Variants in KLF8 observed in about 807,000 individuals in gnomAD.
KLF8 encodes Krueppel-like factor 8.
A neutral mutation model predicts 18.2 loss-of-function variants in KLF8; 10 were observed. That is an observed-to-expected ratio of 0.55 (90% confidence interval 0.34 to 0.93). KLF8 has a LOEUF of 0.93. Ranked by LOEUF, KLF8 falls within the 40% of genes least tolerant of loss-of-function variation. The probability of loss-of-function intolerance (pLI) is 0.02; values close to 1 mark genes in which losing one functional copy is unlikely to be tolerated. For synonymous variants in KLF8, 109 were observed against 97.3 expected, an observed-to-expected ratio of 1.12 and a Z score of -0.71; for missense variants, 264 against 277.9, an observed-to-expected ratio of 0.95 and a Z score of 0.36.
chrX:56,282,578 A>G (rs762692358), intron 5 of KLF8, among the ~76,000 whole-genome samples: 4 of 112,066 alleles, frequency 3.6e-5, no homozygotes, highest in African/African-American at 1.3e-4. Flanking sequence ...GGTGGTGTGT[A>G]GTAAGTTGGA....
chrX:55,946,048 T>G, the KLF8 span, among the ~76,000 whole-genome samples: 11 of 111,594 alleles, frequency 9.9e-5, no homozygotes, highest in Non-Finnish European at 1.7e-4. Context: ...ATCATGAAAA[T>G]GGCCATACTG....
At chrX:56,131,649 G>A in the KLF8 span, among the ~76,000 whole-genome samples, 1 of 111,653 alleles carries the variant, frequency 9.0e-6, no homozygotes, top group Admixed American at 9.5e-5. Flanking sequence ...TACTAAAGTT[G>A]AATGTAAATG....
chrX:55,942,542 A>G, the KLF8 span, among the ~76,000 whole-genome samples: 70 of 111,755 alleles, frequency 6.3e-4, 1 homozygote, highest in East Asian at 0.017. Flanking sequence ...ATAAAAAAAG[A>G]ATCTAGTCAA....
chrX:56,224,881 C>A, the KLF8 span, among the ~76,000 whole-genome samples: 3 of 111,583 alleles, frequency 2.7e-5, no homozygotes, highest in Admixed American at 2.9e-4. Context: ...TGAGGGCTCA[C>A]TGCTTCCAAG....
chrX:56,028,150 G>C, the KLF8 span, among the ~76,000 whole-genome samples: 1 of 112,034 alleles, frequency 8.9e-6, no homozygotes, highest in African/African-American at 3.2e-5. Flanking sequence ...GACACATAGA[G>C]TGTGAAGGGC....
At chrX:56,161,519 G>A in the KLF8 span, among the ~76,000 whole-genome samples, 6 of 111,189 alleles carry the variant, frequency 5.4e-5, no homozygotes, top group Non-Finnish European at 1.1e-4. Context: ...TCATTCATTT[G>A]ATCTTCCATC....
the KLF8 span, among the ~76,000 whole-genome samples, chrX:55,960,194 G>A: frequency 8.9e-6 from 1 of 112,382 alleles, no homozygotes; most frequent in East Asian, 2.8e-4. Context: ...CAAGTGATAG[G>A]AGAATTCAGT....
At chrX:56,079,339 G>T in the KLF8 span, among the ~76,000 whole-genome samples, 2 of 110,665 alleles carry the variant, frequency 1.8e-5, no homozygotes, top group African/African-American at 3.3e-5. Flanking sequence ...CTGGTATGTT[G>T]TGTCTTTGTT....
the KLF8 span, among the ~76,000 whole-genome samples, chrX:56,184,731 C>T: frequency 8.9e-6 from 1 of 112,043 alleles, no homozygotes; most frequent in African/African-American, 3.2e-5. Flanking sequence ...TTCCGCTGTT[C>T]TGCAGCCACT....
the KLF8 span, among the ~76,000 whole-genome samples, chrX:56,215,820 C>A: frequency 4.6e-5 from 1 of 21,928 alleles, no homozygotes. Context: ...GAGACTCTGT[C>A]TCAAAAAAAA....
At chrX:56,112,068 A>C in the KLF8 span, among the ~76,000 whole-genome samples, 2 of 111,976 alleles carry the variant, frequency 1.8e-5, no homozygotes, top group African/African-American at 6.5e-5. Context: ...AATAGCAAAG[A>C]CTTGGAACCA....
the KLF8 span, among the ~76,000 whole-genome samples, chrX:56,139,439 G>A: frequency 4.9e-3 from 547 of 111,432 alleles, 11 homozygotes; most frequent in Admixed American, 0.048. Context: ...GCATGGTGCT[G>A]GTGCAAAAAA....
chrX:55,983,652 G>C, the KLF8 span, among the ~76,000 whole-genome samples: 1 of 111,719 alleles, frequency 9.0e-6, no homozygotes, highest in African/African-American at 3.3e-5. Context: ...TAGCTTTAAT[G>C]GTACAAGTGG....
At chrX:56,133,512 C>G in the KLF8 span, among the ~76,000 whole-genome samples, 2 of 111,454 alleles carry the variant, frequency 1.8e-5, no homozygotes, top group Non-Finnish European at 3.8e-5. Flanking sequence ...AAGGGACATG[C>G]CTCAATGTAA....
At chrX:56,058,823 T>A in the KLF8 span, among the ~76,000 whole-genome samples, 1 of 111,833 alleles carries the variant, frequency 8.9e-6, no homozygotes, top group Non-Finnish European at 1.9e-5. Flanking sequence ...TGTGTCCGTG[T>A]GTCTTTACAG....
the KLF8 span, among the ~76,000 whole-genome samples, chrX:55,986,047 A>T: frequency 9.0e-6 from 1 of 111,604 alleles, no homozygotes; most frequent in Non-Finnish European, 1.9e-5. Context: ...GGCTGAGATG[A>T]TGCGGTTTTC....
chrX:56,067,703 TG>T, the KLF8 span, among the ~76,000 whole-genome samples: 166 of 111,985 alleles, frequency 1.5e-3, 1 homozygote, highest in East Asian at 0.039. Flanking sequence ...CAGGGACCTG[TG>T]CAAGACTAGG....
At chrX:55,909,110 G>T in the KLF8 span, among the ~76,000 whole-genome samples, 2 of 111,864 alleles carry the variant, frequency 1.8e-5, no homozygotes, top group African/African-American at 6.5e-5. Flanking sequence ...ACCCTATCAG[G>T]TTGCCTGAAG....
the KLF8 span, among the ~76,000 whole-genome samples, chrX:56,143,731 T>C: frequency 8.9e-6 from 1 of 112,227 alleles, no homozygotes; most frequent in South Asian, 3.7e-4. Flanking sequence ...GGGTGTTATG[T>C]ATGTCTCTTG....
Sources: gnomAD v4.1 joint callset for allele counts (sites outside exome capture counted in the v4.1 genomes callset) on GRCh38, gnomAD v4.1.1 for gene constraint, MANE v1.5 for transcripts, NCBI Gene and HGNC (gene_info 2026-07-23, HGNC 2026-07-21) for gene names.